Variants in THSD4 observed in about 807,000 individuals in gnomAD.
THSD4 encodes the protein thrombospondin type 1 domain containing 4, also known as thrombospondin type-1 domain-containing protein 4.
A neutral mutation model predicts 119.0 loss-of-function variants in THSD4; 69 were observed. The observed-to-expected ratio is 0.58, with a 90% CI of 0.48 to 0.71. The LOEUF is 0.71. THSD4 is among the 30% of genes least tolerant of loss of function. The pLI, the probability that THSD4 is intolerant of heterozygous loss-of-function variation, is 0.00. For synonymous variants in THSD4, 524 were observed against 540.4 expected (o/e 0.97, Z 0.42); for missense variants, 1,393 against 1,391.1 (o/e 1.00, Z -0.02).
chr15:71,436,375 C>G (rs2047013326), intron 7 of THSD4, among the ~76,000 whole-genome samples: 1 of 152,276 alleles, frequency 6.6e-6, no homozygotes, highest in South Asian at 2.1e-4. Context: ...ACCAGAGCTG[C>G]TATACTCAAT....
intron 8 of THSD4, among the ~76,000 whole-genome samples, chr15:71,684,612 C>A (rs1211892412): frequency 6.6e-6 from 1 of 151,184 alleles, no homozygotes; most frequent in African/African-American, 2.4e-5. Flanking sequence ...CCTTGAATTC[C>A]TGGATTATAC....
chr15:71,460,990 A>C (rs1026250402), intron 7 of THSD4, among the ~76,000 whole-genome samples: 3 of 152,210 alleles, frequency 2.0e-5, no homozygotes, highest in African/African-American at 7.2e-5. Context: ...TTATTCCCAA[A>C]GGTAGCAATA....
At chr15:71,313,750 C>T (rs571337899) in intron 6 of THSD4, among the ~76,000 whole-genome samples, 29 of 152,244 alleles carry the variant, frequency 1.9e-4, no homozygotes, top group African/African-American at 5.8e-4. Context: ...CCAGAAGCAG[C>T]GGACCTCCTA....
At chr15:71,647,929 A>G (rs780435828) in intron 7 of THSD4, among the ~76,000 whole-genome samples, 1 of 152,160 alleles carries the variant, frequency 6.6e-6, no homozygotes, top group Non-Finnish European at 1.5e-5. Flanking sequence ...GCCTGTGTGT[A>G]AGCATGTTGG....
In THSD4 at chr15:71,482,360, G is replaced by A. The variant is rs566352775; in HGVS notation, c.1152+70537G>A. On this transcript the variant is annotated intron_variant, in intron 7 of 17. Transcript: ENST00000261862. ...GGCTGGAGTGCAGTGGCACGATCTC[G>A]GCTCACTGCAAGCTCCGCCTCCTGG... Among the ~76,000 whole-genome samples, 103 of 148,146 alleles carry A rather than the reference G, an allele frequency of 7.0e-4. 1 individual carries two copies. The highest frequency in any genetic ancestry group is 3.0e-3 in the South Asian group (14 of 4,688).
chr15:71,380,472 T>A (rs1436028422), intron 6 of THSD4, among the ~76,000 whole-genome samples: 2 of 152,072 alleles, frequency 1.3e-5, no homozygotes, highest in Non-Finnish European at 2.9e-5. Flanking sequence ...ATACAAATAT[T>A]TAAGACTTGA....
Position 71,492,141 on chromosome 15 carries a change from C to T in THSD4, c.1152+80318C>T, listed in dbSNP as rs564785236. Among the ~76,000 whole-genome samples the T allele has an allele frequency of 3.3e-5, 5 of 151,926 alleles. No individual in the cohort carries two copies. In the South Asian group the frequency reaches 1.0e-3, roughly 32 times the overall value. ...GTATTTATATATTATGGATGTTTTA[C>T]ACTTGATGTTTTGACATTTTCTTTT... On this transcript the variant is annotated intron_variant, in intron 7 of 17. Coordinates refer to ENST00000261862, the MANE Select transcript of THSD4 (RefSeq NM_024817.3).
intron 7 of THSD4, among the ~76,000 whole-genome samples, chr15:71,512,933 G>A (rs920575521): frequency 2.6e-5 from 4 of 152,086 alleles, no homozygotes; most frequent in Non-Finnish European, 5.9e-5. Flanking sequence ...TTTAACTCTA[G>A]AAAATGAAAA....
intron 6 of THSD4, among the ~76,000 whole-genome samples, chr15:71,258,883 G>A (rs929096636): frequency 6.6e-6 from 1 of 152,184 alleles, no homozygotes; most frequent in South Asian, 2.1e-4. Flanking sequence ...GGAGGCCAAG[G>A]CAGGTGGATC....
At position 71,421,312 on chromosome 15, in the gene THSD4, G is replaced by T. The variant is rs1259941136; in HGVS notation, c.1152+9489G>T. On this transcript the variant is annotated intron_variant, in intron 7 of 17. Transcript: ENST00000261862. ...GCTCATTAACATCATTTTCTTTCTA[G>T]TCTCTTTCTACTCCCTTTAGTATTT... Among the ~76,000 whole-genome samples the T allele has an allele frequency of 2.9e-4, 17 of 58,842 alleles. No individual in the cohort carries two copies. The Admixed American group carries it at 3.5e-3, about 12-fold the overall frequency. The allele number at this position is 58,842 out of a possible 152,430, so 38.6% of individuals were successfully genotyped here. A position where few individuals can be genotyped will look rare whatever the true frequency, so the allele number is the denominator to read the frequency against.
chr15:71,703,172 G>T (rs574726793), intron 8 of THSD4, among the ~76,000 whole-genome samples: 16 of 152,146 alleles, frequency 1.1e-4, no homozygotes, highest in Middle Eastern at 3.4e-3. Flanking sequence ...ACAGAGATTT[G>T]CCATGTTGGC....
intron 6 of THSD4, among the ~76,000 whole-genome samples, chr15:71,271,142 C>T (rs1192318946): frequency 2.3e-5 from 3 of 132,736 alleles, no homozygotes; most frequent in Non-Finnish European, 5.3e-5. Flanking sequence ...TGAAAGTAAT[C>T]GTTTTGCCAT....
intron 7 of THSD4, among the ~76,000 whole-genome samples, chr15:71,525,584 A>G (rs2048506704): frequency 6.6e-6 from 1 of 152,196 alleles, no homozygotes; most frequent in South Asian, 2.1e-4. Flanking sequence ...ATCTGCGCAA[A>G]TGTTTTATGT....
intron 1 of THSD4, among the ~76,000 whole-genome samples, chr15:71,102,221 G>A (rs191308514): frequency 7.4e-4 from 113 of 152,160 alleles, no homozygotes; most frequent in Admixed American, 1.3e-3. Flanking sequence ...ATTTTATCCT[G>A]TTTGGGATTC....
chr15:71,627,658 T>G (rs2050535038), intron 7 of THSD4, among the ~76,000 whole-genome samples: 1 of 152,202 alleles, frequency 6.6e-6, no homozygotes, highest in Non-Finnish European at 1.5e-5. Flanking sequence ...ATTTCTCTTC[T>G]TATAAATTAA....
chr15:71,453,543 G>T (rs1467222217), intron 7 of THSD4, among the ~76,000 whole-genome samples: 1 of 152,152 alleles, frequency 6.6e-6, no homozygotes, highest in Non-Finnish European at 1.5e-5. Context: ...AAATTATTTA[G>T]TACTATACCT....
intron 7 of THSD4, among the ~76,000 whole-genome samples, chr15:71,577,176 T>A (rs1446258988): frequency 6.6e-6 from 1 of 152,164 alleles, no homozygotes; most frequent in Non-Finnish European, 1.5e-5. Flanking sequence ...AGACTGTAAT[T>A]CCTTTTGTGG....
intron 6 of THSD4, among the ~76,000 whole-genome samples, chr15:71,283,622 G>A (rs1480348270): frequency 2.0e-5 from 3 of 152,078 alleles, no homozygotes; most frequent in African/African-American, 4.8e-5. Flanking sequence ...ACAGTCCTCC[G>A]AGCACTTCTG....
chr15:71,760,703 T>C (rs2053614544), intron 15 of THSD4, among the ~76,000 whole-genome samples: 3 of 152,236 alleles, frequency 2.0e-5, no homozygotes, highest in African/African-American at 2.4e-5. Context: ...TTTATTGCAA[T>C]AGATATATTT....
Sources: gnomAD v4.1 joint callset for allele counts (sites outside exome capture counted in the v4.1 genomes callset) on GRCh38, gnomAD v4.1.1 for gene constraint, MANE v1.5 for transcripts, NCBI Gene and HGNC (gene_info 2026-07-23, HGNC 2026-07-21) for gene names.